Variants in HOMER1 observed in about 807,000 individuals in gnomAD.
The protein encoded by HOMER1 is homer protein homolog 1.
Under a neutral mutation model 48.9 loss-of-function variants are expected in HOMER1, and 3 were observed. The observed-to-expected ratio is 0.06, with a 90% CI of 0.03 to 0.16. The LOEUF is 0.16. HOMER1 is among the 10% of genes least tolerant of loss of function. The pLI is 1.00. For missense variants in HOMER1, 247 were observed against 411.4 expected (o/e 0.60, Z 3.46); for synonymous variants, 134 against 146.4 (o/e 0.92, Z 0.61).
chr5:79,458,769 T>C (rs1176859766), intron 1 of HOMER1, among the ~76,000 whole-genome samples: 2 of 152,170 alleles, frequency 1.3e-5, no homozygotes, highest in East Asian at 3.8e-4. Context: ...CCACTATATA[T>C]GGATTCATTT....
At position 79,512,879 on chromosome 5, in the gene HOMER1, C is replaced by A. The variant is rs542608832; in HGVS notation, c.-105G>T. ...TTTCGCAGTTGCTTTTCCACCCCCA[C>A]CCCCAGATCCTTGTCCGGAGGTATT... is the stretch of plus-strand genomic sequence containing the variant. On this transcript the variant is annotated 5_prime_UTR_variant, in exon 1 of 9. Coordinates refer to ENST00000334082, the MANE Select transcript of HOMER1 (RefSeq NM_004272.5). 126 of 996,866 alleles carry A rather than the reference C, an allele frequency of 1.3e-4. 2 individuals are homozygous for A. Among genetic ancestry groups the A allele is most frequent in the Middle Eastern group, 1.0e-3 (5 of 4,856 alleles). The allele number at this position is 996,866 out of a possible 1,614,324, so 61.8% of individuals were successfully genotyped here. A position where few individuals can be genotyped will look rare whatever the true frequency, so the allele number is the denominator to read the frequency against.
At chr5:79,472,946 A>G (rs1751663840) in intron 1 of HOMER1, among the ~76,000 whole-genome samples, 1 of 152,180 alleles carries the variant, frequency 6.6e-6, no homozygotes, top group South Asian at 2.1e-4. Context: ...TCTGTTCAGA[A>G]TTATCTCTGC....
rs369354672 is a variant in HOMER1, at chr5:79,407,911, G to T, written c.528-5856C>A. Among the ~76,000 whole-genome samples, 20 of 152,152 alleles carry T rather than the reference G, an allele frequency of 1.3e-4. 1 individual carries two copies. The highest frequency in any genetic ancestry group is 5.9e-4 in the Admixed American group (9 of 15,286). ...TCTTTCTGTGGTTCCAGTTACACAT[G>T]GTCAACTATAGTCTGAAAATATTAC... On this transcript the variant is annotated intron_variant, in intron 5 of 8. Coordinates refer to ENST00000334082, the MANE Select transcript of HOMER1 (RefSeq NM_004272.5).
At chr5:79,416,524 G>C (rs1342768220) in intron 5 of HOMER1, among the ~76,000 whole-genome samples, 2 of 152,214 alleles carry the variant, frequency 1.3e-5, no homozygotes, top group Non-Finnish European at 2.9e-5. Flanking sequence ...GAGGGCCCGA[G>C]AAATGTCCTG....
At chr5:79,384,556 A>T (rs1287890362) in intron 8 of HOMER1, among the ~76,000 whole-genome samples, 1 of 152,190 alleles carries the variant, frequency 6.6e-6, no homozygotes, top group African/African-American at 2.4e-5. Context: ...TCACTGCCAA[A>T]TTCTACAAAA....
intron 1 of HOMER1, among the ~76,000 whole-genome samples, chr5:79,464,655 C>G (rs1258278762): frequency 6.6e-6 from 1 of 152,124 alleles, no homozygotes; most frequent in Non-Finnish European, 1.5e-5. Flanking sequence ...ATCTCACCAC[C>G]TCCTCTCTTT....
chr5:79,440,631 ATAATGGG>A (rs1360622148), intron 4 of HOMER1, among the ~76,000 whole-genome samples: 1 of 152,222 alleles, frequency 6.6e-6, no homozygotes, highest in East Asian at 1.9e-4. Flanking sequence ...TATTAAGTGA[ATAATGGG>A]AATAGCAATC....
At chr5:79,416,490 T>C (rs1425538603) in intron 5 of HOMER1, among the ~76,000 whole-genome samples, 1 of 152,230 alleles carries the variant, frequency 6.6e-6, no homozygotes, top group Non-Finnish European at 1.5e-5. Flanking sequence ...CCATTTTTAT[T>C]TGCTACAATG....
chr5:79,480,000 T>A (rs773918289), intron 1 of HOMER1, among the ~76,000 whole-genome samples: 8 of 152,302 alleles, frequency 5.3e-5, no homozygotes, highest in Non-Finnish European at 1.0e-4. Context: ...ATTACTGTCA[T>A]GGGACAAGTT....
intron 1 of HOMER1, among the ~76,000 whole-genome samples, chr5:79,466,402 C>G (rs998407853): frequency 6.6e-6 from 1 of 151,834 alleles, no homozygotes; most frequent in Non-Finnish European, 1.5e-5. Flanking sequence ...AGCTACTTGA[C>G]AGGAGAGATC....
At chr5:79,406,977 A>C (rs988897357) in intron 5 of HOMER1, among the ~76,000 whole-genome samples, 1 of 152,238 alleles carries the variant, frequency 6.6e-6, no homozygotes, top group Admixed American at 6.5e-5. Context: ...GCAGCCTTCC[A>C]CTGCAGGAAG....
chr5:79,411,453 C>G (rs1270816329), intron 5 of HOMER1, among the ~76,000 whole-genome samples: 2 of 151,912 alleles, frequency 1.3e-5, no homozygotes, highest in East Asian at 3.8e-4. Flanking sequence ...CCACTGCACT[C>G]CAGCCTGGGT....
At chr5:79,479,822 GT>G (rs940638234) in intron 1 of HOMER1, among the ~76,000 whole-genome samples, 1 of 151,940 alleles carries the variant, frequency 6.6e-6, no homozygotes, top group Admixed American at 6.6e-5. Context: ...TATTATATGT[GT>G]TTTTTCATTA....
chr5:79,505,421 A>G (rs1752741073), intron 1 of HOMER1, among the ~76,000 whole-genome samples: 1 of 152,192 alleles, frequency 6.6e-6, no homozygotes, highest in African/African-American at 2.4e-5. Context: ...CATGACTTTC[A>G]ATGATCTTGT....
intron 1 of HOMER1, among the ~76,000 whole-genome samples, chr5:79,483,830 G>T (rs553853434): frequency 6.6e-6 from 1 of 151,504 alleles, no homozygotes; most frequent in South Asian, 2.1e-4. Flanking sequence ...CGAGGTGGGT[G>T]GATCACCTGA....
At chr5:79,492,853 A>G (rs1343963570) in intron 1 of HOMER1, among the ~76,000 whole-genome samples, 20 of 151,150 alleles carry the variant, frequency 1.3e-4, no homozygotes, top group Non-Finnish European at 1.5e-5. Flanking sequence ...CAAAAATGCC[A>G]TATACCCACT....
chr5:79,460,024 CTTTCT>C (rs1276655572), intron 1 of HOMER1, among the ~76,000 whole-genome samples: 2 of 151,980 alleles, frequency 1.3e-5, no homozygotes, highest in East Asian at 3.9e-4. Context: ...TTCTTTCTTT[CTTTCT>C]TTTCTTTAAC....
chr5:79,414,845 C>G (rs1178991019), intron 5 of HOMER1, among the ~76,000 whole-genome samples: 1 of 152,092 alleles, frequency 6.6e-6, no homozygotes, highest in Non-Finnish European at 1.5e-5. Flanking sequence ...CCTGGCATGT[C>G]TGGATCAACA....
chr5:79,441,295 G>A (rs1048189346), intron 4 of HOMER1, among the ~76,000 whole-genome samples: 1 of 152,190 alleles, frequency 6.6e-6, no homozygotes, highest in Non-Finnish European at 1.5e-5. Context: ...TCAAAAGAGA[G>A]AGAGGAAGAG....
Sources: gnomAD v4.1 joint callset for allele counts (sites outside exome capture counted in the v4.1 genomes callset) on GRCh38, gnomAD v4.1.1 for gene constraint, MANE v1.5 for transcripts, NCBI Gene and HGNC (gene_info 2026-07-23, HGNC 2026-07-21) for gene names.